Variants in MAGI1 observed in about 807,000 individuals in gnomAD.
MAGI1 encodes membrane-associated guanylate kinase, WW and PDZ domain-containing protein 1.
In MAGI1, 58 loss-of-function variants were observed where a neutral mutation model predicts 139.9. That is an observed-to-expected ratio of 0.41 (90% CI 0.34 to 0.52). The LOEUF is 0.52. MAGI1 is among the 20% of genes least tolerant of loss of function. MAGI1 has a pLI of 0.12. For synonymous variants in MAGI1, 812 were observed against 737.9 expected (o/e 1.10, Z -1.63); for missense variants, 1,874 against 1,901.6 (o/e 0.99, Z 0.27).
intron 14 of MAGI1, among the ~76,000 whole-genome samples, chr3:65,387,889 T>C (rs556068288): frequency 8.5e-5 from 13 of 152,330 alleles, no homozygotes; most frequent in Admixed American, 8.5e-4. Flanking sequence ...ACAATGTTGG[T>C]TAATAGGACA....
intron 2 of MAGI1, among the ~76,000 whole-genome samples, chr3:65,559,473 A>G (rs2080236875): frequency 6.6e-6 from 1 of 152,202 alleles, no homozygotes; most frequent in South Asian, 2.1e-4. Context: ...ATTTATCTAC[A>G]TATTACTTTA....
intron 1 of MAGI1, among the ~76,000 whole-genome samples, chr3:65,965,036 T>A (rs1428499694): frequency 6.6e-6 from 1 of 152,254 alleles, no homozygotes. Context: ...TAATTAGCCT[T>A]GCTCTAAAAC....
intron 12 of MAGI1, among the ~76,000 whole-genome samples, chr3:65,423,614 T>G (rs1477491286): frequency 2.0e-5 from 3 of 152,246 alleles, no homozygotes; most frequent in African/African-American, 7.2e-5. Context: ...ATTTCTTGCC[T>G]GTAAGGCAGG....
At chr3:65,460,281 T>A (rs1949684566) in intron 5 of MAGI1, among the ~76,000 whole-genome samples, 1 of 152,232 alleles carries the variant, frequency 6.6e-6, no homozygotes, top group Admixed American at 6.5e-5. Context: ...ACTTACTAAA[T>A]TTTGTTAAAG....
chr3:65,963,387 G>T (rs1321830945), intron 1 of MAGI1, among the ~76,000 whole-genome samples: 2 of 151,504 alleles, frequency 1.3e-5, no homozygotes, highest in Admixed American at 1.3e-4. Context: ...GGAGGCCAAG[G>T]TGGGTGGATC....
rs142745963 is a variant in MAGI1 at position 65,630,399 on chromosome 3, G to A, written c.314-8311C>T. Among the ~76,000 whole-genome samples, 97 of 152,210 alleles carry A rather than the reference G, an allele frequency of 6.4e-4. No individual in the cohort carries two copies. In the East Asian group the frequency reaches 0.018, roughly 28 times the overall value. On this transcript the variant is annotated intron_variant, in intron 1 of 22. Coordinates refer to ENST00000402939, the MANE Select transcript of MAGI1 (RefSeq NM_001033057.2). Reference sequence around the variant, plus strand: ...AGTGAATGGCATATGCAAAAGTTTCGAAGGAGGAAAGAGGTTGGTATGCTA... The same window carrying A: ...AGTGAATGGCATATGCAAAAGTTTCAAAGGAGGAAAGAGGTTGGTATGCTA...
chr3:65,637,254 G>GA (rs1005929652), intron 1 of MAGI1, among the ~76,000 whole-genome samples: 4 of 150,946 alleles, frequency 2.6e-5, no homozygotes, highest in South Asian at 2.1e-4. Context: ...GAGCATATTA[G>GA]AAAAAAAAAT....
At chr3:66,028,144 A>T (rs1034208885) in intron 1 of MAGI1, among the ~76,000 whole-genome samples, 2 of 152,136 alleles carry the variant, frequency 1.3e-5, no homozygotes, top group Non-Finnish European at 2.9e-5. Flanking sequence ...ATCTCTACAA[A>T]CAAACAAATA....
At chr3:65,798,456 A>T (rs1160807020) in intron 1 of MAGI1, among the ~76,000 whole-genome samples, 4 of 152,110 alleles carry the variant, frequency 2.6e-5, no homozygotes, top group Admixed American at 2.6e-4. Context: ...CACATCAAAG[A>T]CACTCTGAAG....
intron 1 of MAGI1, among the ~76,000 whole-genome samples, chr3:65,898,033 T>G (rs2061055933): frequency 6.6e-6 from 1 of 152,156 alleles, no homozygotes; most frequent in African/African-American, 2.4e-5. Context: ...ATCCAAATAT[T>G]TAACTCAAGA....
At chr3:66,014,268 T>C (rs966832167) in intron 1 of MAGI1, among the ~76,000 whole-genome samples, 1 of 152,148 alleles carries the variant, frequency 6.6e-6, no homozygotes, top group Non-Finnish European at 1.5e-5. Flanking sequence ...TTCTCAGAGG[T>C]AGCCACAGGG....
In MAGI1 at chr3:66,034,658, T is replaced by C. The variant is rs576430735; in HGVS notation, c.313+3338A>G. ...TTAATAACAGCTTTATTCGTAATAG[T>C]AAAAAATGGTAAATACTCCAAATGT... On this transcript the variant is annotated intron_variant, in intron 1 of 22. Coordinates refer to ENST00000402939, the MANE Select transcript of MAGI1 (RefSeq NM_001033057.2). Among the ~76,000 whole-genome samples, 10 of 152,118 alleles carry C rather than the reference T, an allele frequency of 6.6e-5. No homozygotes were observed. In the South Asian group the frequency reaches 8.3e-4, roughly 13 times the overall value.
chr3:65,932,894 TTAAA>T (rs758816789), intron 1 of MAGI1, among the ~76,000 whole-genome samples: 20 of 151,330 alleles, frequency 1.3e-4, no homozygotes, highest in Non-Finnish European at 2.1e-4. Flanking sequence ...ATAATTATGT[TTAAA>T]TAAAGTATGA....
At chr3:65,422,332 T>C (rs757185310) in intron 12 of MAGI1, among the ~76,000 whole-genome samples, 35 of 152,334 alleles carry the variant, frequency 2.3e-4, no homozygotes, top group Non-Finnish European at 4.3e-4. Context: ...TCTTGGCCTA[T>C]GGACACAATG....
At chr3:65,914,853 G>A (rs757671676) in intron 1 of MAGI1, among the ~76,000 whole-genome samples, 5 of 152,096 alleles carry the variant, frequency 3.3e-5, no homozygotes, top group Admixed American at 6.5e-5. Context: ...GCATGACCTC[G>A]GGTAAGATAT....
chr3:65,944,945 G>C (rs528895903), intron 1 of MAGI1, among the ~76,000 whole-genome samples: 25 of 152,248 alleles, frequency 1.6e-4, no homozygotes, highest in Non-Finnish European at 3.2e-4. Flanking sequence ...TCATTATATT[G>C]AGGATATCCA....
At chr3:65,833,596 T>C (rs1206523381) in intron 1 of MAGI1, among the ~76,000 whole-genome samples, 1 of 152,234 alleles carries the variant, frequency 6.6e-6, no homozygotes, top group Non-Finnish European at 1.5e-5. Context: ...CATCGACGAC[T>C]TACCTATTTG....
intron 2 of MAGI1, among the ~76,000 whole-genome samples, chr3:65,567,990 G>C (rs924902842): frequency 3.9e-5 from 6 of 152,108 alleles, no homozygotes; most frequent in African/African-American, 7.2e-5. Flanking sequence ...CCTTCAAAGG[G>C]ATATCAGGAT....
intron 2 of MAGI1, among the ~76,000 whole-genome samples, chr3:65,560,922 C>T (rs1302493284): frequency 2.0e-5 from 3 of 152,194 alleles, no homozygotes; most frequent in Non-Finnish European, 2.9e-5. Context: ...TCAGCACAAA[C>T]GAAGCCCACT....
Sources: gnomAD v4.1 joint callset for allele counts (sites outside exome capture counted in the v4.1 genomes callset) on GRCh38, gnomAD v4.1.1 for gene constraint, MANE v1.5 for transcripts, NCBI Gene and HGNC (gene_info 2026-07-23, HGNC 2026-07-21) for gene names.